The following MTCL1 variants were observed in gnomAD, a reference collection of about 807,000 sequenced individuals.
MTCL1 encodes microtubule crosslinking factor 1, also known as microtubule cross-linking factor 1.
A neutral mutation model predicts 141.4 loss-of-function variants in MTCL1; 79 were observed. That is an observed-to-expected ratio of 0.56 (90% CI 0.47 to 0.67). The LOEUF is 0.67. Ranked by LOEUF, MTCL1 falls within the 30% of genes least tolerant of loss-of-function variation. The pLI is 0.00. For synonymous variants in MTCL1, 914 were observed against 875.8 expected (o/e 1.04, Z -0.77); for missense variants, 2,177 against 2,113.9 (o/e 1.03, Z -0.59).
At chr18:8,812,944 A>G (rs2076535036) in intron 11 of MTCL1, 35 bp from the exon 11 acceptor site, 2 of 1,585,242 alleles carry the variant, frequency 1.3e-6, no homozygotes, top group Admixed American at 3.5e-5. Flanking sequence ...AAGACTTGTC[A>G]GAGAGGGAAT....
intron 1 of MTCL1, among the ~76,000 whole-genome samples, chr18:8,711,937 G>A (rs144520389): frequency 2.2e-4 from 33 of 152,220 alleles, no homozygotes; most frequent in Non-Finnish European, 3.1e-4. Flanking sequence ...TCGAGTGCTC[G>A]GAGACAGTCA....
intron 4 of MTCL1, among the ~76,000 whole-genome samples, chr18:8,753,933 G>A (rs1476686446): frequency 6.6e-5 from 10 of 151,984 alleles, no homozygotes; most frequent in Admixed American, 5.9e-4. Context: ...GTTAATATGG[G>A]ACCATTTCAT....
intron 4 of MTCL1, among the ~76,000 whole-genome samples, chr18:8,755,070 T>G (rs897080962): frequency 3.3e-5 from 5 of 152,194 alleles, no homozygotes; most frequent in Admixed American, 6.5e-5. Flanking sequence ...ACACAGCACA[T>G]TTGAGTAACA....
At chr18:8,798,161 A>T in exon 10 of MTCL1, 2 of 1,595,706 alleles carry the variant, frequency 1.3e-6, no homozygotes, top group Non-Finnish European at 1.7e-6. Flanking sequence ...CACCAGGCGG[A>T]TGGCCCAGAC....
chr18:8,809,741 G>A (rs2144174599), intron 11 of MTCL1: 2 of 899,806 alleles, frequency 2.2e-6, no homozygotes, highest in Non-Finnish European at 3.3e-6. Flanking sequence ...TGGGCGATGG[G>A]CCATCACTGA....
At chr18:8,740,198 C>T (rs1420775345) in intron 4 of MTCL1, among the ~76,000 whole-genome samples, 2 of 152,164 alleles carry the variant, frequency 1.3e-5, no homozygotes, top group African/African-American at 2.4e-5. Context: ...AAGAAATAGT[C>T]GTATATTGCT....
At chr18:8,799,403 C>T (rs572725852) in intron 10 of MTCL1, among the ~76,000 whole-genome samples, 112 of 152,322 alleles carry the variant, frequency 7.4e-4, no homozygotes, top group African/African-American at 2.6e-3. Context: ...CACCTGTCCC[C>T]ACTTCATTCT....
chr18:8,823,853 CATT>C (rs2076925603), intron 14 of MTCL1, among the ~76,000 whole-genome samples: 2 of 152,170 alleles, frequency 1.3e-5, no homozygotes, highest in South Asian at 4.1e-4. Context: ...GCCTCATCAT[CATT>C]AATAGGTCCT....
At chr18:8,795,007 G>T (rs550385435) in intron 8 of MTCL1, among the ~76,000 whole-genome samples, 2 of 152,204 alleles carry the variant, frequency 1.3e-5, no homozygotes, top group Non-Finnish European at 2.9e-5. Flanking sequence ...TGTCTGGTAC[G>T]CTAGGCTGCC....
intron 4 of MTCL1, among the ~76,000 whole-genome samples, chr18:8,774,445 CTTTCTTTCT>C (rs146378075): frequency 0.31 from 47,383 of 151,058 alleles, 7,844 homozygotes; most frequent in East Asian, 0.5. Context: ...AATTTCTGGT[CTTTCTTTCT>C]TTTCTTTCTT....
chr18:8,831,801 T>G, exon 17 of MTCL1: 1 of 1,550,018 alleles, frequency 6.5e-7, no homozygotes, highest in African/African-American at 1.4e-5. Flanking sequence ...CACACCGAGA[T>G]GCAAGCTTGC....
chr18:8,818,110 G>A (rs192681488), intron 12 of MTCL1, among the ~76,000 whole-genome samples: 9 of 152,306 alleles, frequency 5.9e-5, no homozygotes, highest in African/African-American at 1.7e-4. Context: ...CCTTATGTGG[G>A]CTGGGCTCCC....
chr18:8,774,276 AT>A (rs1195243898), intron 4 of MTCL1, among the ~76,000 whole-genome samples: 3 of 93,768 alleles, frequency 3.2e-5, no homozygotes, highest in Admixed American at 9.8e-5. Flanking sequence ...GTGTGTGTGT[AT>A]TTTTTTTTAA....
chr18:8,737,100 G>C (rs927774688), intron 4 of MTCL1, among the ~76,000 whole-genome samples: 1 of 152,148 alleles, frequency 6.6e-6, no homozygotes, highest in African/African-American at 2.4e-5. Context: ...GTTCCTATGA[G>C]CTGCACTGGA....
intron 4 of MTCL1, among the ~76,000 whole-genome samples, chr18:8,731,912 T>C (rs2096252517): frequency 6.6e-6 from 1 of 152,084 alleles, no homozygotes; most frequent in South Asian, 2.1e-4. Context: ...TTTCATTATG[T>C]TGTCCAGGCT....
At chr18:8,796,709 C>G (rs189243435) in intron 9 of MTCL1, among the ~76,000 whole-genome samples, 1 of 152,076 alleles carries the variant, frequency 6.6e-6, no homozygotes, top group African/African-American at 2.4e-5. Flanking sequence ...ACAGAAGTAA[C>G]GTTACAGTAG....
At chr18:8,784,645 G>A in exon 6 of MTCL1, 1 of 1,613,968 alleles carries the variant, frequency 6.2e-7, no homozygotes, top group Non-Finnish European at 8.5e-7. Context: ...AGCCCCAGCT[G>A]CTGGGGACCA....
At chr18:8,816,715 G>GT (rs33937932) in intron 12 of MTCL1, among the ~76,000 whole-genome samples, 98,557 of 151,978 alleles carry the variant, frequency 0.65, 32,273 homozygotes, top group Non-Finnish European at 0.68. Flanking sequence ...TTTAAAACCT[G>GT]TTACAAAGTG....
At chr18:8,770,906 G>A (rs1381981703) in intron 4 of MTCL1, among the ~76,000 whole-genome samples, 9 of 151,994 alleles carry the variant, frequency 5.9e-5, no homozygotes, top group Non-Finnish European at 7.4e-5. Context: ...GTGAAAGGAA[G>A]CAGGCTCCCC....
Sources: gnomAD v4.1 joint callset for allele counts (sites outside exome capture counted in the v4.1 genomes callset) on GRCh38, gnomAD v4.1.1 for gene constraint, MANE v1.5 for transcripts, NCBI Gene and HGNC (gene_info 2026-07-23, HGNC 2026-07-21) for gene names.